The following REEP1 variants were observed in gnomAD, a reference collection of about 807,000 sequenced individuals.
REEP1 encodes receptor expression-enhancing protein 1.
REEP1 carries 22 observed loss-of-function variants against 40.3 expected under a neutral mutation model. The observed-to-expected ratio is 0.55, with a 90% CI of 0.39 to 0.78. The LOEUF is 0.78. REEP1 is among the 30% of genes least tolerant of loss of function. REEP1 has a pLI of 0.00. For missense variants in REEP1, 280 were observed against 361.1 expected (o/e 0.78, Z 1.82); for synonymous variants, 116 against 139.2 (o/e 0.83, Z 1.17).
At chr2:86,323,583 G>T (rs902492493) in intron 1 of REEP1, among the ~76,000 whole-genome samples, 1 of 152,070 alleles carries the variant, frequency 6.6e-6, no homozygotes, top group Non-Finnish European at 1.5e-5. Context: ...AGAATTTAAC[G>T]AATGCCTGAT....
chr2:86,332,465 AC>A (rs1680818247), intron 1 of REEP1, among the ~76,000 whole-genome samples: 2 of 151,520 alleles, frequency 1.3e-5, no homozygotes, highest in African/African-American at 4.9e-5. Context: ...ACACACACAC[AC>A]ACACACACGT....
intron 6 of REEP1, among the ~76,000 whole-genome samples, chr2:86,229,670 T>C (rs1000671605): frequency 7.0e-6 from 1 of 143,534 alleles, no homozygotes; most frequent in Non-Finnish European, 1.5e-5. Flanking sequence ...AGTGCAATGG[T>C]GCAATCTCAT....
intron 1 of REEP1, among the ~76,000 whole-genome samples, chr2:86,307,977 TTAATTGGC>T (rs1267826451): frequency 6.6e-6 from 1 of 152,160 alleles, no homozygotes; most frequent in Non-Finnish European, 1.5e-5. Context: ...TATTTTCCAA[TTAATTGGC>T]TCATTTAAAA....
chr2:86,238,723 A>C (rs1270823065), intron 5 of REEP1, among the ~76,000 whole-genome samples: 1 of 152,182 alleles, frequency 6.6e-6, no homozygotes, highest in Non-Finnish European at 1.5e-5. Context: ...CACACATCAG[A>C]GAGGCAAGGC....
At chr2:86,305,184 C>G (rs1197781692) in intron 1 of REEP1, among the ~76,000 whole-genome samples, 1 of 152,178 alleles carries the variant, frequency 6.6e-6, no homozygotes, top group African/African-American at 2.4e-5. Context: ...TCATGAGGCC[C>G]AGATGGTCCC....
chr2:86,286,607 G>A (rs1678414449), intron 1 of REEP1, among the ~76,000 whole-genome samples: 1 of 152,178 alleles, frequency 6.6e-6, no homozygotes, highest in African/African-American at 2.4e-5. Flanking sequence ...CTCTGATAGT[G>A]GGGGATGGCC....
intron 1 of REEP1, among the ~76,000 whole-genome samples, chr2:86,330,573 A>G (rs998257612): frequency 2.0e-5 from 3 of 151,868 alleles, no homozygotes; most frequent in Non-Finnish European, 4.4e-5. Flanking sequence ...TCCTCCAAGT[A>G]GCTGGGACCA....
At chr2:86,337,891 G>A (rs1022337040), upstream of REEP1, 11 of 947,330 alleles carry the variant, frequency 1.2e-5, no homozygotes, top group Non-Finnish European at 1.7e-5. This position sits in a 1 kb window ranked among gnomAD's most constrained non-coding sequence, Gnocchi z 5.8. Flanking sequence ...GGACCCGGGT[G>A]CTGCCCCACC....
chr2:86,237,735 C>T (rs558524779), intron 5 of REEP1, among the ~76,000 whole-genome samples: 1 of 152,030 alleles, frequency 6.6e-6, no homozygotes, highest in Non-Finnish European at 1.5e-5. Context: ...ATTGGTCAGG[C>T]TGGTCTCGAA....
chr2:86,309,191 G>A (rs1679642556), intron 1 of REEP1, among the ~76,000 whole-genome samples: 1 of 152,164 alleles, frequency 6.6e-6, no homozygotes, highest in Admixed American at 6.5e-5. Context: ...TGAGCTCCCT[G>A]CCACTTCCAA....
chr2:86,275,470 ATACTC>A (rs1419802926), intron 2 of REEP1, among the ~76,000 whole-genome samples: 2 of 152,146 alleles, frequency 1.3e-5, no homozygotes, highest in African/African-American at 4.8e-5. Context: ...TCCAGAGTCT[ATACTC>A]TAAATTACTT....
At chr2:86,226,632 C>CT (rs377324951) in intron 7 of REEP1, among the ~76,000 whole-genome samples, 43,822 of 139,300 alleles carry the variant, frequency 0.31, 7,472 homozygotes, top group East Asian at 0.61. Context: ...GCACACCTGG[C>CT]TTTTTTTTTT....
At chr2:86,279,200 GATGCAGATA>G in intron 2 of REEP1, among the ~76,000 whole-genome samples, 1 of 152,284 alleles carries the variant, frequency 6.6e-6, no homozygotes, top group South Asian at 2.1e-4. Flanking sequence ...GTTCCCAGGT[GATGCAGATA>G]ATGCTGGCCA....
intron 2 of REEP1, among the ~76,000 whole-genome samples, chr2:86,265,253 C>A (rs368392640): frequency 6.6e-6 from 1 of 152,126 alleles, no homozygotes; most frequent in East Asian, 1.9e-4. Context: ...GTTGGGGAAA[C>A]AAAGTTTGGA....
intron 1 of REEP1, among the ~76,000 whole-genome samples, chr2:86,310,838 G>C (rs1391376974): frequency 3.3e-5 from 5 of 152,136 alleles, no homozygotes; most frequent in Admixed American, 3.3e-4. Context: ...ATAAACTTAA[G>C]AGGCAAGACA....
intron 5 of REEP1, among the ~76,000 whole-genome samples, chr2:86,234,763 G>A (rs1355002107): frequency 6.6e-6 from 1 of 152,200 alleles, no homozygotes; most frequent in Non-Finnish European, 1.5e-5. Context: ...GTGATGGTTG[G>A]GCAAGGGTCC....
At position 86,337,377 on chromosome 2, in the gene REEP1, T is replaced by TA; in HGVS notation, c.32+101dup. ...TAAATTTAGCTGCGCCGGGTATTAA[T>TA]AGCCCGAGCCACTGGGACCGGGCGC... On this transcript the variant is annotated intron_variant, in intron 1 of 8. Coordinates refer to ENST00000538924, the MANE Select transcript of REEP1 (RefSeq NM_001371279.1). The surrounding 1 kb of genome is among the most constrained non-coding windows in gnomAD (Gnocchi z 5.8). The TA allele has an allele frequency of 6.8e-6, 5 of 738,630 alleles. No homozygotes were observed. The highest frequency in any genetic ancestry group is 9.1e-6 in the Non-Finnish European group (5 of 552,114). 45.8% of individuals were successfully genotyped at this position (738,630 alleles called of 1,614,324 possible).
intron 3 of REEP1, among the ~76,000 whole-genome samples, chr2:86,256,119 T>G (rs552400041): frequency 6.6e-6 from 1 of 151,196 alleles, no homozygotes; most frequent in Non-Finnish European, 1.5e-5. Context: ...GAGGAAGAGG[T>G]GGGTGGATCA....
At chr2:86,315,782 C>T (rs1358814024) in intron 1 of REEP1, among the ~76,000 whole-genome samples, 1 of 152,210 alleles carries the variant, frequency 6.6e-6, no homozygotes, top group African/African-American at 2.4e-5. Context: ...GCTTGGACAA[C>T]TGATCTTATT....
Sources: allele counts gnomAD v4.1 joint callset (sites outside exome capture counted in the v4.1 genomes callset), GRCh38; gene constraint gnomAD v4.1.1; non-coding constraint Gnocchi (gnomAD v3.1); transcripts MANE v1.5; gene names NCBI Gene and HGNC (gene_info 2026-07-23, HGNC 2026-07-21).